NRXN1: variants seen among roughly 807,000 people sequenced by gnomAD.
NRXN1 encodes the protein neurexin 1, also known as neurexin-1.
Under a neutral mutation model 150.9 loss-of-function variants are expected in NRXN1, and 39 were observed. The ratio of observed to expected loss-of-function variants is 0.26; its 90% CI spans 0.20 to 0.34. The LOEUF (loss-of-function observed/expected upper bound fraction) is 0.34, where lower values mean the gene tolerates loss of function less well. NRXN1 is among the 10% of genes least tolerant of loss of function. NRXN1 has a pLI of 1.00. For synonymous variants in NRXN1, 924 were observed against 757.0 expected (o/e 1.22, Z -3.62); for missense variants, 1,815 against 1,949.9 (o/e 0.93, Z 1.30).
chr2:50,947,389 T>A (rs1690569416), intron 2 of NRXN1, among the ~76,000 whole-genome samples: 2 of 151,956 alleles, frequency 1.3e-5, no homozygotes, highest in South Asian at 4.1e-4. Flanking sequence ...TTATATTGAA[T>A]AATTTAAAAA....
chr2:50,960,974 T>C (rs538049585), intron 2 of NRXN1, among the ~76,000 whole-genome samples: 6 of 152,080 alleles, frequency 3.9e-5, no homozygotes, highest in African/African-American at 1.4e-4. Flanking sequence ...TTGGTCTCAT[T>C]ACCACCATTT....
At chr2:50,375,627 T>A (rs896940298) in intron 17 of NRXN1, among the ~76,000 whole-genome samples, 1 of 151,034 alleles carries the variant, frequency 6.6e-6, no homozygotes, top group East Asian at 2.0e-4. Context: ...AAAGTAAGCT[T>A]GCTTATAGAA....
intron 5 of NRXN1, among the ~76,000 whole-genome samples, chr2:50,819,967 C>G (rs1199263049): frequency 6.6e-6 from 1 of 152,082 alleles, no homozygotes; most frequent in Non-Finnish European, 1.5e-5. Flanking sequence ...ACTCTGCTCA[C>G]TTGTTAATAC....
At chr2:50,253,774 G>C (rs2067402281) in intron 17 of NRXN1, among the ~76,000 whole-genome samples, 1 of 152,064 alleles carries the variant, frequency 6.6e-6, no homozygotes, top group Non-Finnish European at 1.5e-5. Context: ...ACTTGATCCT[G>C]GTGGATAAGC....
intron 8 of NRXN1, among the ~76,000 whole-genome samples, chr2:50,606,627 T>TAAA (rs961124435): frequency 1.3e-5 from 2 of 150,676 alleles, no homozygotes; most frequent in African/African-American, 2.4e-5. Context: ...ATAATAATAA[T>TAAA]AATAAAATAA....
intron 2 of NRXN1, among the ~76,000 whole-genome samples, chr2:51,014,365 T>C (rs569367111): frequency 1.5e-4 from 23 of 152,010 alleles, no homozygotes; most frequent in Admixed American, 1.3e-3. Flanking sequence ...ATAAAGATAA[T>C]TGAAGAGGAT....
chr2:50,596,050 G>A (rs1168206626), intron 8 of NRXN1, among the ~76,000 whole-genome samples: 1 of 152,118 alleles, frequency 6.6e-6, no homozygotes, highest in African/African-American at 2.4e-5. Flanking sequence ...CTGGTTTCAT[G>A]TTTGTTTTGA....
chr2:50,919,950 G>T, intron 5 of NRXN1: 1 of 341,134 alleles, frequency 2.9e-6, no homozygotes, highest in Non-Finnish European at 6.5e-6. Flanking sequence ...CTCTGTGGAT[G>T]CCATGTCATA....
chr2:50,194,820 A>G (rs776335185), intron 18 of NRXN1, among the ~76,000 whole-genome samples: 56 of 152,282 alleles, frequency 3.7e-4, no homozygotes, highest in Admixed American at 6.5e-4. Flanking sequence ...GTCTAATTTA[A>G]AGAGATTTCT....
At chr2:50,929,736 A>G (rs914967898) in intron 2 of NRXN1, among the ~76,000 whole-genome samples, 1 of 152,072 alleles carries the variant, frequency 6.6e-6, no homozygotes, top group Non-Finnish European at 1.5e-5. Flanking sequence ...CGCCCATCAC[A>G]TTACTTCTCA....
chr2:49,939,603 C>T (rs184841682), intron 22 of NRXN1, among the ~76,000 whole-genome samples: 3 of 152,304 alleles, frequency 2.0e-5, no homozygotes, highest in African/African-American at 7.2e-5. Context: ...TTAACATGCA[C>T]AGTTCCCATC....
intron 5 of NRXN1, among the ~76,000 whole-genome samples, chr2:50,898,374 A>G (rs1682353543): frequency 6.6e-6 from 1 of 152,148 alleles, no homozygotes; most frequent in African/African-American, 2.4e-5. Flanking sequence ...TCTGGCTTCT[A>G]TCTGTAGCCC....
At chr2:50,650,551 C>A (rs77120145) in intron 5 of NRXN1, among the ~76,000 whole-genome samples, 1 of 152,132 alleles carries the variant, frequency 6.6e-6, no homozygotes, top group Non-Finnish European at 1.5e-5. Context: ...TGTCAGCTTG[C>A]TTTTTTATTC....
chr2:50,027,395 T>A (rs1688515900), intron 21 of NRXN1, among the ~76,000 whole-genome samples: 1 of 143,492 alleles, frequency 7.0e-6, no homozygotes, highest in South Asian at 2.5e-4. Context: ...CCTCCCTTCC[T>A]TCCTTCCTCC....
intron 5 of NRXN1, among the ~76,000 whole-genome samples, chr2:50,716,549 C>T (rs1252473570): frequency 3.3e-5 from 5 of 152,060 alleles, no homozygotes; most frequent in African/African-American, 1.2e-4. Flanking sequence ...AAACAAATTA[C>T]CTTACATAAG....
chr2:50,023,934 T>A (rs1401627874), intron 21 of NRXN1: 5 of 152,096 alleles, frequency 3.3e-5, no homozygotes, highest in Admixed American at 6.6e-5. Flanking sequence ...TGCTAAACAC[T>A]TTATATTTGT....
intron 5 of NRXN1, among the ~76,000 whole-genome samples, chr2:50,662,911 G>C (rs1299060724): frequency 6.6e-6 from 1 of 151,950 alleles, no homozygotes; most frequent in Non-Finnish European, 1.5e-5. Flanking sequence ...TAAAATCATT[G>C]ATTCTTAGAC....
Position 50,957,664 on chromosome 2 carries a change from TACTAAAC to T in NRXN1, c.773-31716_773-31710del, listed in dbSNP as rs1246793566. Among the ~76,000 whole-genome samples, 6 of 152,314 alleles carry T rather than the reference TACTAAAC, an allele frequency of 3.9e-5. No homozygotes were observed. The East Asian group carries it at 1.2e-3, about 29-fold the overall frequency. On this transcript the variant is annotated intron_variant, in intron 2 of 22. Transcript: ENST00000401669. ...AAGTAATTTAGGCCAAAGTTTTAAATACTAAACACTAAAGGATTCTTATTCCTTCTTT... is the reference window on the plus strand; with the variant it reads ...AAGTAATTTAGGCCAAAGTTTTAAATACTAAAGGATTCTTATTCCTTCTTT...
intron 2 of NRXN1, among the ~76,000 whole-genome samples, chr2:51,012,486 G>A (rs1017791763): frequency 2.6e-5 from 4 of 152,008 alleles, no homozygotes; most frequent in Admixed American, 1.3e-4. Context: ...ATCACCAGTA[G>A]CACACATGTG....
Sources: gnomAD v4.1 joint callset for allele counts (sites outside exome capture counted in the v4.1 genomes callset) on GRCh38, gnomAD v4.1.1 for gene constraint, MANE v1.5 for transcripts, NCBI Gene and HGNC (gene_info 2026-07-23, HGNC 2026-07-21) for gene names.